The following DGKB variants were observed in gnomAD, a reference collection of about 807,000 sequenced individuals.
The protein encoded by DGKB is 90 kDa diacylglycerol kinase.
A neutral mutation model predicts 114.3 loss-of-function variants in DGKB; 67 were observed. The observed-to-expected ratio is 0.59, with a 90% confidence interval of 0.48 to 0.72. The LOEUF (loss-of-function observed/expected upper bound fraction) is 0.72, where lower values mean the gene tolerates loss of function less well. Ranked by LOEUF, DGKB falls within the 30% of genes least tolerant of loss-of-function variation. DGKB has a pLI of 0.00. For missense variants in DGKB, 907 were observed against 975.2 expected (o/e 0.93, Z 0.93); for synonymous variants, 398 against 323.1 (o/e 1.23, Z -2.49).
intron 22 of DGKB, among the ~76,000 whole-genome samples, chr7:14,340,184 A>G (rs1811378044): frequency 7.7e-6 from 1 of 129,114 alleles, no homozygotes; most frequent in African/African-American, 3.0e-5. Context: ...TTTTTTTTCC[A>G]GAAAGCAGTG....
At chr7:14,628,313 G>A (rs1000230418) in intron 14 of DGKB, among the ~76,000 whole-genome samples, 4 of 152,108 alleles carry the variant, frequency 2.6e-5, no homozygotes, top group Non-Finnish European at 5.9e-5. Context: ...AGTTATGTGT[G>A]TGTGTGTGTG....
At chr7:14,838,166 TTATGA>T (rs1317273840) in intron 2 of DGKB, among the ~76,000 whole-genome samples, 1 of 152,168 alleles carries the variant, frequency 6.6e-6, no homozygotes, top group Non-Finnish European at 1.5e-5. Flanking sequence ...TTGTGTATTC[TTATGA>T]TATAATTAAA....
At chr7:14,232,248 C>T (rs1791986440) in intron 23 of DGKB, among the ~76,000 whole-genome samples, 1 of 151,784 alleles carries the variant, frequency 6.6e-6, no homozygotes. Flanking sequence ...TCAGAGACCC[C>T]TACATACTGG....
intron 20 of DGKB, among the ~76,000 whole-genome samples, chr7:14,559,219 G>C (rs1796299686): frequency 6.6e-6 from 1 of 152,126 alleles, no homozygotes; most frequent in Admixed American, 6.5e-5. Context: ...CTTTAGGCTA[G>C]AATAACCTAT....
intron 23 of DGKB, among the ~76,000 whole-genome samples, chr7:14,193,765 T>C (rs1264658551): frequency 1.3e-5 from 2 of 151,470 alleles, no homozygotes; most frequent in Non-Finnish European, 2.9e-5. Flanking sequence ...ACCTAGCAAA[T>C]GGGAGAAAAT....
chr7:14,835,619 GC>G (rs1160697240), intron 2 of DGKB, among the ~76,000 whole-genome samples: 1 of 152,142 alleles, frequency 6.6e-6, no homozygotes, highest in Non-Finnish European at 1.5e-5. Flanking sequence ...TGACAAACGG[GC>G]AAGAGGGCTA....
chr7:14,556,024 G>A (rs952667247), intron 20 of DGKB, among the ~76,000 whole-genome samples: 6 of 152,088 alleles, frequency 3.9e-5, no homozygotes, highest in African/African-American at 1.4e-4. Context: ...CTTTCACTTT[G>A]TAGTGAAATT....
Position 14,583,919 on chromosome 7 carries a change from G to C in DGKB, c.1434-782C>G, listed in dbSNP as rs558647334. ...CAGGACAGAAATTTTGGTATGTTAT[G>C]TGTCTCTTCACCTCCCTTGTCCCAA... On this transcript the variant is annotated intron_variant, in intron 17 of 25. Transcript: ENST00000402815. Among the ~76,000 whole-genome samples the C allele has an allele frequency of 3.1e-4, 47 of 152,264 alleles. No homozygotes were observed. In the South Asian group the frequency reaches 9.3e-3, roughly 30 times the overall value.
intron 1 of DGKB, among the ~76,000 whole-genome samples, chr7:14,968,938 A>G (rs1425090374): frequency 6.6e-6 from 1 of 152,238 alleles, no homozygotes; most frequent in South Asian, 2.1e-4. Flanking sequence ...TATCAGCTAC[A>G]TATTTAAAAC....
At chr7:14,769,722 G>T (rs926154540) in intron 2 of DGKB, among the ~76,000 whole-genome samples, 2 of 151,864 alleles carry the variant, frequency 1.3e-5, no homozygotes. Context: ...TTTTCTGAAG[G>T]CTCTCATAGG....
intron 20 of DGKB, among the ~76,000 whole-genome samples, chr7:14,485,253 T>C (rs73282321): frequency 0.021 from 3,167 of 151,714 alleles, 132 homozygotes; most frequent in East Asian, 0.099. Context: ...ACCTGGACTT[T>C]ACTCTGCTAG....
rs373766506 is a variant in DGKB, at chr7:14,677,279, G to A, written c.1036-4252C>T. Among the ~76,000 whole-genome samples, 18 of 151,924 alleles carry A rather than the reference G, an allele frequency of 1.2e-4. No individual in the cohort carries two copies. The South Asian group carries it at 3.5e-3, about 30-fold the overall frequency. ...AAAGGAGGAAAAATGGAAAATAAGTGTTCATAGGAATTTAGAGGAAAATAA... is the reference window on the plus strand; with the variant it reads ...AAAGGAGGAAAAATGGAAAATAAGTATTCATAGGAATTTAGAGGAAAATAA... On this transcript the variant is annotated intron_variant, in intron 12 of 25. Coordinates refer to ENST00000402815, the MANE Select transcript of DGKB (RefSeq NM_001350709.2).
chr7:14,385,591 G>C (rs1038908220), intron 21 of DGKB, among the ~76,000 whole-genome samples: 10 of 152,126 alleles, frequency 6.6e-5, no homozygotes, highest in Admixed American at 2.6e-4. Context: ...TATAGCAAAG[G>C]CTTTTAACCC....
rs866930274 is a variant in DGKB at position 14,297,106 on chromosome 7, C to G, written c.2122+41409G>C. On this transcript the variant is annotated intron_variant, in intron 23 of 25. Coordinates refer to ENST00000402815, the MANE Select transcript of DGKB (RefSeq NM_001350709.2). ...AAAAGCCCAGGACCAGACAGATTCA[C>G]AGCTGAATTCTACCAGAGGTACAAA... Among the ~76,000 whole-genome samples the G allele has an allele frequency of 2.6e-5, 4 of 152,234 alleles. No individual in the cohort carries two copies. In the East Asian group the frequency reaches 7.7e-4, roughly 29 times the overall value.
chr7:14,725,776 G>A lies in DGKB; in HGVS notation c.323-7091C>T, dbSNP rs943325352. 5.9e-5 allele frequency among the ~76,000 whole-genome samples: 9 copies of A among 152,112 alleles called. No individual in the cohort carries two copies. The East Asian group carries it at 1.6e-3, about 26-fold the overall frequency. On this transcript the variant is annotated intron_variant, in intron 5 of 25. Coordinates refer to ENST00000402815, the MANE Select transcript of DGKB (RefSeq NM_001350709.2). Reference sequence around the variant, plus strand: ...TTGGCCAGGCTGGTCTCAAACTCCCGACCTCAAGTGATCTCTGTACCTCAG... The same window carrying A: ...TTGGCCAGGCTGGTCTCAAACTCCCAACCTCAAGTGATCTCTGTACCTCAG...
chr7:14,920,546 G>A (rs1330964439), intron 1 of DGKB, among the ~76,000 whole-genome samples: 1 of 152,134 alleles, frequency 6.6e-6, no homozygotes, highest in Non-Finnish European at 1.5e-5. Flanking sequence ...CATTGCTAGT[G>A]GGAATACAAA....
intron 1 of DGKB, among the ~76,000 whole-genome samples, chr7:14,924,195 T>C (rs1204072476): frequency 6.6e-6 from 1 of 152,114 alleles, no homozygotes; most frequent in Non-Finnish European, 1.5e-5. Flanking sequence ...TTCTTAAAAA[T>C]ATTTTTGCTG....
chr7:14,689,123 A>G (rs1822254608), intron 9 of DGKB, among the ~76,000 whole-genome samples: 1 of 151,818 alleles, frequency 6.6e-6, no homozygotes, highest in Non-Finnish European at 1.5e-5. Context: ...TAAATAACAA[A>G]GAACATTAAA....
intron 21 of DGKB, among the ~76,000 whole-genome samples, chr7:14,404,965 C>T (rs1042208970): frequency 5.9e-5 from 9 of 151,814 alleles, no homozygotes; most frequent in Non-Finnish European, 1.0e-4. Context: ...TGGGTAATCT[C>T]ATATAGTGCT....
Sources: allele counts gnomAD v4.1 joint callset (sites outside exome capture counted in the v4.1 genomes callset), GRCh38; gene constraint gnomAD v4.1.1; transcripts MANE v1.5; gene names NCBI Gene and HGNC (gene_info 2026-07-23, HGNC 2026-07-21).